SRFBP1: variants seen among roughly 807,000 people sequenced by gnomAD.
SRFBP1 encodes serum response factor-binding protein 1.
In SRFBP1, 47 loss-of-function variants were observed where a neutral mutation model predicts 45.5. The ratio of observed to expected loss-of-function variants is 1.03; its 90% confidence interval spans 0.82 to 1.32. SRFBP1 has a LOEUF of 1.32. Among genes scored for constraint, SRFBP1 ranks in the 40% most tolerant of loss-of-function variants. The pLI is 0.00. For missense variants in SRFBP1, 621 were observed against 484.6 expected (o/e 1.28, Z -2.64); for synonymous variants, 203 against 166.3 (o/e 1.22, Z -1.70).
chr5:121,998,182 TATAAATCATGCTGCTATA>T (rs1230098515), intron 4 of SRFBP1, among the ~76,000 whole-genome samples: 1 of 151,884 alleles, frequency 6.6e-6, no homozygotes, highest in South Asian at 2.1e-4. Flanking sequence ...CCCAAATGAC[TATAAATCATGCTGCTATA>T]AAGACACATG....
intron 3 of SRFBP1, among the ~76,000 whole-genome samples, chr5:121,987,439 A>T (rs994775806): frequency 6.6e-6 from 1 of 152,196 alleles, no homozygotes; most frequent in South Asian, 2.1e-4. Flanking sequence ...AACTGTATTT[A>T]AAAAGCAGAA....
At chr5:121,981,104 G>T (rs1484882421) in intron 3 of SRFBP1, among the ~76,000 whole-genome samples, 2 of 152,016 alleles carry the variant, frequency 1.3e-5, no homozygotes, top group Non-Finnish European at 2.9e-5. Context: ...TTCAGATAGG[G>T]CTTTTTGGTA....
At chr5:122,059,291 T>C (rs1169371008) in intron 2 of SRFBP1, among the ~76,000 whole-genome samples, 1 of 152,110 alleles carries the variant, frequency 6.6e-6, no homozygotes, top group Non-Finnish European at 1.5e-5. Context: ...AAAGTTATTT[T>C]CTTGAGGTTG....
intron 1 of SRFBP1, among the ~76,000 whole-genome samples, chr5:121,973,205 A>G (rs1304249998): frequency 1.3e-5 from 2 of 151,842 alleles, no homozygotes; most frequent in East Asian, 1.9e-4. Flanking sequence ...ATAGAAAAAG[A>G]CAGCCACATG....
At chr5:122,048,670 G>A (rs1265693458) in intron 2 of SRFBP1, among the ~76,000 whole-genome samples, 2 of 152,098 alleles carry the variant, frequency 1.3e-5, no homozygotes, top group African/African-American at 4.8e-5. Flanking sequence ...GAATCCATCT[G>A]GTCCTGGACT....
At chr5:121,962,335 T>C (rs1290182957) in intron 1 of SRFBP1, among the ~76,000 whole-genome samples, 1 of 152,236 alleles carries the variant, frequency 6.6e-6, no homozygotes, top group Non-Finnish European at 1.5e-5. Flanking sequence ...TTCAATATTC[T>C]CGTCTGTAAA....
intron 2 of SRFBP1, chr5:122,064,137 A>G (rs531345625): frequency 9.2e-5 from 14 of 152,090 alleles, no homozygotes; most frequent in Admixed American, 3.9e-4. Flanking sequence ...TTAGTGTAAA[A>G]GCCAATCTCC....
At chr5:122,023,697 C>CT (rs938459735) in intron 7 of SRFBP1, among the ~76,000 whole-genome samples, 1 of 152,052 alleles carries the variant, frequency 6.6e-6, no homozygotes, top group Non-Finnish European at 1.5e-5. Flanking sequence ...GAGTTTGCCC[C>CT]AAGTCACTGG....
At chr5:122,037,683 T>C (rs1052891308) in intron 2 of SRFBP1, among the ~76,000 whole-genome samples, 1 of 152,034 alleles carries the variant, frequency 6.6e-6, no homozygotes, top group Non-Finnish European at 1.5e-5. Context: ...TATTCTTTTT[T>C]TTTTTTGGTA....
intron 2 of SRFBP1, among the ~76,000 whole-genome samples, chr5:122,036,507 C>T (rs1028456651): frequency 5.9e-5 from 9 of 152,120 alleles, no homozygotes; most frequent in Admixed American, 4.6e-4. Flanking sequence ...CTTTTGCGAA[C>T]GTAGTACCGA....
chr5:121,981,563 T>TC (rs1020342579), intron 3 of SRFBP1, among the ~76,000 whole-genome samples: 2 of 151,534 alleles, frequency 1.3e-5, no homozygotes, highest in African/African-American at 4.8e-5. Flanking sequence ...CTTTTTTTTT[T>TC]TTTTTTTTTT....
intron 1 of SRFBP1, 72 bp from the exon 2 acceptor site, chr5:121,974,124 A>T: frequency 9.7e-7 from 1 of 1,027,128 alleles, no homozygotes; most frequent in Non-Finnish European, 1.5e-6. Flanking sequence ...CTCAAATATT[A>T]AGACTCAAAA....
downstream of SRFBP1, chr5:122,077,190 A>G (rs1754663661): frequency 6.8e-7 from 1 of 1,468,746 alleles, no homozygotes; most frequent in Non-Finnish European, 9.0e-7. This position sits in a 1 kb window ranked among gnomAD's most constrained non-coding sequence, Gnocchi z 4.9. Flanking sequence ...AGGAGGGGCC[A>G]GACGCGCGGT....
At chr5:121,965,980 C>T (rs1451368558) in intron 1 of SRFBP1, among the ~76,000 whole-genome samples, 2 of 150,866 alleles carry the variant, frequency 1.3e-5, no homozygotes, top group Non-Finnish European at 2.9e-5. Context: ...TGATTTGGCT[C>T]TCTGTTTGTC....
intron 3 of SRFBP1, among the ~76,000 whole-genome samples, chr5:121,985,807 T>TG (rs1043653593): frequency 4.6e-5 from 7 of 151,872 alleles, no homozygotes; most frequent in Non-Finnish European, 8.8e-5. Context: ...TTTATTTTTG[T>TG]GGGGGGTTGG....
At chr5:122,020,027 A>G in intron 5 of SRFBP1, 61 bp from the exon 6 acceptor site, 1 of 1,218,686 alleles carries the variant, frequency 8.2e-7, no homozygotes, top group Non-Finnish European at 1.1e-6. Context: ...ATACTGTCCT[A>G]AAACAGTCAT....
chr5:122,047,799 C>G (rs948121802), intron 2 of SRFBP1, among the ~76,000 whole-genome samples: 3 of 152,140 alleles, frequency 2.0e-5, no homozygotes, highest in African/African-American at 7.2e-5. Context: ...ATTTTATTCT[C>G]TTTGAAGCAA....
intron 4 of SRFBP1, among the ~76,000 whole-genome samples, chr5:122,000,448 A>G (rs759315381): frequency 6.6e-6 from 1 of 151,842 alleles, no homozygotes; most frequent in Non-Finnish European, 1.5e-5. Context: ...TTTCCTGAAG[A>G]CTCTTAAAAT....
chr5:122,050,443 A>T (rs1406461927), intron 2 of SRFBP1, among the ~76,000 whole-genome samples: 1 of 152,092 alleles, frequency 6.6e-6, no homozygotes, highest in Non-Finnish European at 1.5e-5. Context: ...CTATTCAGGG[A>T]TTCAGCTTCT....
Sources: gnomAD v4.1 joint callset for allele counts (sites outside exome capture counted in the v4.1 genomes callset) on GRCh38, gnomAD v4.1.1 for gene constraint, Gnocchi (gnomAD v3.1) non-coding constraint, MANE v1.5 for transcripts, NCBI Gene and HGNC (gene_info 2026-07-23, HGNC 2026-07-21) for gene names.